Variants in CAMK2G observed in about 807,000 individuals in gnomAD.
CAMK2G encodes calcium/calmodulin-dependent protein kinase type II subunit gamma.
Under a neutral mutation model 88.7 loss-of-function variants are expected in CAMK2G, and 23 were observed. The ratio of observed to expected loss-of-function variants is 0.26; its 90% CI spans 0.19 to 0.37. CAMK2G has a LOEUF of 0.37. Among genes scored for constraint, CAMK2G ranks in the 10% least tolerant of loss-of-function variants. The pLI, the probability that CAMK2G is intolerant of heterozygous loss-of-function variation, is 1.00. For synonymous variants in CAMK2G, 263 were observed against 294.8 expected (o/e 0.89, Z 1.11); for missense variants, 476 against 780.8 (o/e 0.61, Z 4.65).
rs1171203317 is a variant in CAMK2G, at chr10:73,813,862, C to T, written c.*656G>A. The T allele has an allele frequency of 6.6e-6, 1 of 152,630 alleles. No individual in the cohort carries two copies. The highest frequency in any genetic ancestry group is 1.5e-5 in the Non-Finnish European group (1 of 68,060). 9.5% of individuals were successfully genotyped at this position (152,630 alleles called of 1,614,324 possible). On this transcript the variant is annotated 3_prime_UTR_variant, in exon 23 of 23. Coordinates refer to ENST00000423381, the MANE Select transcript of CAMK2G (RefSeq NM_001367534.1). ...CTCTTCCCTTCTACACTAAACAAGA[C>T]AGTACAGCAACGTCCGGGCTCTCAG...
intron 17 of CAMK2G, among the ~76,000 whole-genome samples, chr10:73,822,025 G>A (rs113916598): frequency 3.3e-5 from 5 of 152,070 alleles, no homozygotes; most frequent in African/African-American, 7.2e-5. Flanking sequence ...AAATCTTCTG[G>A]TTCTGCCTCC....
intron 2 of CAMK2G, among the ~76,000 whole-genome samples, chr10:73,865,884 C>G (rs573234868): frequency 9.9e-5 from 15 of 152,048 alleles, no homozygotes; most frequent in African/African-American, 2.7e-4. Context: ...CCAGCCCCCC[C>G]CTTCCTGTTT....
At position 73,842,556 on chromosome 10, in the gene CAMK2G, G is replaced by A; in HGVS notation, c.820-15C>T. 6.3e-7 allele frequency: 1 copy of A among 1,588,474 alleles called. No individual in the cohort carries two copies. Among genetic ancestry groups the A allele is most frequent in the Non-Finnish European group, 8.6e-7 (1 of 1,156,922 alleles). The stretch of plus-strand genomic sequence containing the variant: ...GTGGATCGTTGCTAGAAACCAAACA[G>A]ACAGGCTATGAGCCCCAGCCCAGAT... On this transcript the variant is annotated splice_polypyrimidine_tract_variant and intron_variant, in intron 10 of 22. Transcript: ENST00000423381. This position sits in a 1 kb window ranked among gnomAD's most constrained non-coding sequence, Gnocchi z 4.6.
At chr10:73,851,170 G>A (rs1033267667) in intron 5 of CAMK2G, among the ~76,000 whole-genome samples, 4 of 152,240 alleles carry the variant, frequency 2.6e-5, no homozygotes, top group Non-Finnish European at 2.9e-5. Flanking sequence ...TGAGAAATTC[G>A]TGAGGAAGCT....
At position 73,824,083 on chromosome 10, in the gene CAMK2G, T is replaced by C; in HGVS notation, c.1157A>G (p.Glu386Gly). ...GTTGTGTACCACAGTGGTTTGTGGC[T>C]CCTGTGAGAGAAGATGAAGATTACC... Reference protein sequence around the residue: ...QEPAPLQTAMEPQTTVVHNAT... With the variant: ...QEPAPLQTAMGPQTTVVHNAT... The change falls in exon 17 of 23, where the codon GAG becomes GGG. Residue 386 changes from glutamate (E) to glycine (G), a missense_variant and splice_region_variant. This residue lies in a region of CAMK2G where 278 missense variants were observed against 366.5 expected (regional missense o/e 0.76). Coordinates refer to ENST00000423381, the MANE Select transcript of CAMK2G (RefSeq NM_001367534.1). The C allele has an allele frequency of 6.2e-7, 1 of 1,612,616 alleles. No homozygotes were observed. Among genetic ancestry groups the C allele is most frequent in the East Asian group, 2.2e-5 (1 of 44,882 alleles).
At chr10:73,847,934 G>T in intron 9 of CAMK2G, 54 bp downstream of exon 9, 1 of 920,264 alleles carries the variant, frequency 1.1e-6, no homozygotes, top group African/African-American at 4.3e-5. Flanking sequence ...CAGAGCCCGA[G>T]GAGCAAGGAC....
chr10:73,818,159 G>A (rs1379826701), intron 19 of CAMK2G: 1 of 167,596 alleles, frequency 6.0e-6, no homozygotes, highest in Admixed American at 5.5e-5. Flanking sequence ...AATGATCCCA[G>A]AACTGTAAAA....
In CAMK2G at chr10:73,839,669, C is replaced by A; in HGVS notation, c.947-68G>T. The A allele has an allele frequency of 1.3e-5, 13 of 1,002,220 alleles. No homozygotes were observed. The highest frequency in any genetic ancestry group is 1.7e-5 in the Non-Finnish European group (13 of 777,314). 62.1% of individuals were successfully genotyped at this position (1,002,220 alleles called of 1,614,324 possible). A position where few individuals can be genotyped will look rare whatever the true frequency, so the allele number is the denominator to read the frequency against. On this transcript the variant is annotated intron_variant, in intron 12 of 22. Transcript: ENST00000423381. This position sits in a 1 kb window ranked among gnomAD's most constrained non-coding sequence, Gnocchi z 4.2. ...CACGGGGCCGTCAGCAGCGAGCATG[C>A]CCCAGCGCGAGGCGCAGCCCAGGCG... is the stretch of plus-strand genomic sequence containing the variant.
At chr10:73,868,806 A>C (rs1290011445) in intron 2 of CAMK2G, among the ~76,000 whole-genome samples, 1 of 151,764 alleles carries the variant, frequency 6.6e-6, no homozygotes, top group Non-Finnish European at 1.5e-5. Context: ...GGGGGCGGGG[A>C]CTCTCAGCTG....
At chr10:73,854,694 C>T (rs1356196257) in intron 3 of CAMK2G, among the ~76,000 whole-genome samples, 1 of 152,170 alleles carries the variant, frequency 6.6e-6, no homozygotes, top group African/African-American at 2.4e-5. Context: ...GGCTGAGGTG[C>T]TTCCCTATGT....
chr10:73,816,999 T>C, intron 21 of CAMK2G, 24 bp downstream of exon 21: 1 of 1,613,910 alleles, frequency 6.2e-7, no homozygotes, highest in Non-Finnish European at 8.5e-7. Flanking sequence ...GGCAGGAGTA[T>C]ATCAGCAGCA....
Position 73,848,397 on chromosome 10 carries a change from C to A in CAMK2G, c.601+129G>T. The A allele has an allele frequency of 1.4e-6, 1 of 713,680 alleles. No homozygotes were observed. The highest frequency in any genetic ancestry group is 2.6e-6 in the Non-Finnish European group (1 of 391,572). 44.2% of individuals were successfully genotyped at this position (713,680 alleles called of 1,614,324 possible). ...GTGATGGGAACAGCCATCCCAGGGG[C>A]AAACACCATAATTTCACATACACCA... On this transcript the variant is annotated intron_variant, in intron 8 of 22. Transcript: ENST00000423381. The surrounding 1 kb of genome is among the most constrained non-coding windows in gnomAD (Gnocchi z 4.5).
chr10:73,849,457 C>G lies in CAMK2G; in HGVS notation c.342-124G>C. 7.5e-6 allele frequency: 5 copies of G among 665,852 alleles called. No homozygotes were observed. The South Asian group carries it at 8.8e-5, about 12-fold the overall frequency. 41.2% of individuals were successfully genotyped at this position (665,852 alleles called of 1,614,324 possible). A position where few individuals can be genotyped will look rare whatever the true frequency, so the allele number is the denominator to read the frequency against. On this transcript the variant is annotated intron_variant, in intron 5 of 22. Transcript: ENST00000423381. Reference sequence around the variant, plus strand: ...CACGGATTCACAGAGAATCACTTAACGGCCACTGGAACCTTAGACTCTGCA... The same window carrying G: ...CACGGATTCACAGAGAATCACTTAAGGGCCACTGGAACCTTAGACTCTGCA...
rs749005311 is a variant in CAMK2G, at chr10:73,849,040, C to T, written c.490G>A (p.Val164Ile). ...KLADFGLAIE[V>I]QGEQQAWFGF... is the part of the protein sequence containing the mutation. The stretch of plus-strand genomic sequence containing the variant: ...AACCAAGCCTGCTGCTCTCCCTGTA[C>T]TTCGATGGCTAGGCCAAAATCAGCC... Residue 164 changes from valine to isoleucine, a missense_variant, in exon 7 of 23, where the codon GTA (valine) becomes ATA (isoleucine). Coordinates refer to ENST00000423381, the MANE Select transcript of CAMK2G (RefSeq NM_001367534.1). 6.2e-7 allele frequency: 1 copy of T among 1,613,432 alleles called. No homozygotes were observed.
intron 19 of CAMK2G, 114 bp downstream of exon 19, chr10:73,819,418 A>G: frequency 2.6e-6 from 2 of 763,996 alleles, no homozygotes; most frequent in East Asian, 2.7e-5. Context: ...CCATGCTCCC[A>G]GAGCTTACTA....
At chr10:73,832,392 C>T (rs536758020) in intron 14 of CAMK2G, among the ~76,000 whole-genome samples, 23 of 152,166 alleles carry the variant, frequency 1.5e-4, no homozygotes, top group African/African-American at 3.1e-4. Flanking sequence ...CCGCAACCTC[C>T]GACTCCCTAG....
In CAMK2G at chr10:73,852,625, C is replaced by T. The variant is rs2094713850; in HGVS notation, c.276-306G>A. ...AACAGTCAACCTACCCCAAAAGTCA[C>T]AGCTTTGAGACCAACATAAACACTA... is the stretch of plus-strand genomic sequence containing the variant. On this transcript the variant is annotated intron_variant, in intron 4 of 22. Coordinates refer to ENST00000423381, the MANE Select transcript of CAMK2G (RefSeq NM_001367534.1). 4 of 398,630 alleles carry T rather than the reference C, an allele frequency of 1.0e-5. 1 individual carries two copies. In the South Asian group the frequency reaches 1.3e-4, roughly 13 times the overall value. 24.7% of individuals were successfully genotyped at this position (398,630 alleles called of 1,614,324 possible).
chr10:73,833,202 A>G (rs938680899), intron 14 of CAMK2G, among the ~76,000 whole-genome samples: 2 of 151,608 alleles, frequency 1.3e-5, no homozygotes, highest in Admixed American at 6.6e-5. Flanking sequence ...GGTTCAAGCA[A>G]TCCTCCCAAC....
chr10:73,854,399 C>T (rs1041459806), intron 3 of CAMK2G, among the ~76,000 whole-genome samples: 35 of 152,220 alleles, frequency 2.3e-4, no homozygotes, highest in Non-Finnish European at 4.9e-4. Flanking sequence ...GGGTTAAATG[C>T]CAACCCCTGA....
Sources: allele counts gnomAD v4.1 joint callset (sites outside exome capture counted in the v4.1 genomes callset), GRCh38; gene constraint gnomAD v4.1.1; regional missense constraint gnomAD v4.1.1; non-coding constraint Gnocchi (gnomAD v3.1); transcripts MANE v1.5; gene names NCBI Gene and HGNC (gene_info 2026-07-23, HGNC 2026-07-21).